Variants in SMIM7 observed in about 807,000 individuals in gnomAD.
The protein encoded by SMIM7 is small integral membrane protein 7.
In SMIM7, 12 loss-of-function variants were observed where a neutral mutation model predicts 13.3. The observed-to-expected ratio is 0.90, with a 90% confidence interval of 0.58 to 1.46. The LOEUF (loss-of-function observed/expected upper bound fraction) is 1.46, where lower values mean the gene tolerates loss of function less well. SMIM7 is among the 40% of genes most tolerant of loss of function. SMIM7 has a pLI of 0.00. For synonymous variants in SMIM7, 36 were observed against 35.8 expected, an observed-to-expected ratio of 1.01 and a Z score of -0.02; for missense variants, 114 against 94.8, an observed-to-expected ratio of 1.20 and a Z score of -0.84.
chr19:16,648,432 T>C (rs1228483272), intron 4 of SMIM7, among the ~76,000 whole-genome samples: 2 of 151,986 alleles, frequency 1.3e-5, no homozygotes, highest in Non-Finnish European at 2.9e-5. Flanking sequence ...TGAGCCACCA[T>C]GCCTGGCCAT....
chr19:16,650,920 A>G (rs1488348956), intron 4 of SMIM7, among the ~76,000 whole-genome samples: 2 of 152,150 alleles, frequency 1.3e-5, no homozygotes, highest in Non-Finnish European at 2.9e-5. Context: ...TACACAGCTG[A>G]AGTTAGGCTG....
chr19:16,654,653 A>G (rs988023757), intron 3 of SMIM7, among the ~76,000 whole-genome samples: 1 of 152,080 alleles, frequency 6.6e-6, no homozygotes, highest in Non-Finnish European at 1.5e-5. Context: ...AAGTGTTGAG[A>G]TTACAGGCAT....
intron 3 of SMIM7, chr19:16,655,517 C>T: frequency 4.7e-6 from 2 of 424,546 alleles, no homozygotes; most frequent in South Asian, 3.3e-5. Flanking sequence ...CACGTCTCTA[C>T]TAAAAATACA....
chr19:16,650,447 C>T (rs930354158), intron 4 of SMIM7, among the ~76,000 whole-genome samples: 2 of 152,156 alleles, frequency 1.3e-5, no homozygotes, highest in East Asian at 1.9e-4. Context: ...CGGTGGCTCA[C>T]GCCTATAATC....
At chr19:16,659,570 G>T in intron 2 of SMIM7, 123 bp from the exon 3 acceptor site, 1 of 979,416 alleles carries the variant, frequency 1.0e-6, no homozygotes, top group Non-Finnish European at 1.6e-6. Flanking sequence ...AACTTGCTGT[G>T]TGACCTCTGA....
chr19:16,647,135 T>C lies in SMIM7; in HGVS notation c.*111A>G. On this transcript the variant is annotated 3_prime_UTR_variant, in exon 5 of 5. Transcript: ENST00000487416. ...TTCCACCCACCACGAGCTTGGACTT[T>C]CTGGGAAGGTTGTCGGTTTTCTGGT... The C allele has an allele frequency of 6.9e-7, 1 of 1,452,740 alleles. No individual in the cohort carries two copies. The highest frequency in any genetic ancestry group is 1.4e-5 in the African/African-American group (1 of 71,922). The allele number at this position is 1,452,740 out of a possible 1,614,324, so 90.0% of individuals were successfully genotyped here.
At chr19:16,658,367 T>C (rs889440703) in intron 3 of SMIM7, among the ~76,000 whole-genome samples, 4 of 152,188 alleles carry the variant, frequency 2.6e-5, no homozygotes, top group Non-Finnish European at 5.9e-5. Flanking sequence ...AATTAATGAA[T>C]GGATACAATA....
Position 16,647,250 on chromosome 19 carries a change from G to A in SMIM7, c.224C>T (p.Ser75Phe), listed in dbSNP as rs1245524889. Residue 75 changes from serine to phenylalanine, a missense_variant, in exon 5 of 5, where the codon TCT becomes TTT. Physicochemically the swap from Ser to Phe is radical, Grantham distance 155 (BLOSUM62 -2). Coordinates refer to ENST00000487416, the MANE Select transcript of SMIM7 (RefSeq NM_024104.4). ...MMFCMIVLFG[S>F] ...TCCTGGTTTCATCGCTGGGATTCAA[G>A]AGCCGAACAGCCTGGAGAAGTCAGA... 6.2e-6 allele frequency: 10 copies of A among 1,613,932 alleles called. No homozygotes were observed. The highest frequency in any genetic ancestry group is 8.5e-6 in the Non-Finnish European group (10 of 1,180,028).
chr19:16,645,038 A>C (rs1034982351), downstream of SMIM7: 1 of 152,188 alleles, frequency 6.6e-6, no homozygotes, highest in Admixed American at 6.5e-5. Context: ...ATTAGTGCTT[A>C]AACACTGTGA....
chr19:16,633,652 G>A (rs1035103924), intron 4 of SMIM7: 1 of 152,094 alleles, frequency 6.6e-6, no homozygotes, highest in Non-Finnish European at 1.5e-5. Context: ...GAACCCAGGA[G>A]TTTGAAGCTG....
intron 3 of SMIM7, 66 bp from the exon 4 acceptor site, chr19:16,654,191 T>A (rs2086566555): frequency 5.1e-6 from 7 of 1,380,548 alleles, no homozygotes; most frequent in Non-Finnish European, 7.2e-6. Flanking sequence ...ACCTCAGCAG[T>A]GGATTTTTGT....
chr19:16,633,542 G>C (rs1423036851), intron 4 of SMIM7, among the ~76,000 whole-genome samples: 2 of 151,496 alleles, frequency 1.3e-5, no homozygotes, highest in African/African-American at 4.9e-5. Context: ...TAAATTAAGT[G>C]TGTGCGTGTG....
chr19:16,646,313 A>G lies in SMIM7; in HGVS notation c.*933T>C, dbSNP rs1362220266. 6.6e-6 allele frequency: 1 copy of G among 152,184 alleles called. No homozygotes were observed. Among genetic ancestry groups the G allele is most frequent in the Non-Finnish European group, 1.5e-5 (1 of 68,038 alleles). The allele number at this position is 152,184 out of a possible 1,614,324, so 9.4% of individuals were successfully genotyped here. The stretch of plus-strand genomic sequence containing the variant: ...AACAAACAAACAAAAAAACCAGACA[A>G]CAAAAAACTCAACAAGCAAATCACA... On this transcript the variant is annotated 3_prime_UTR_variant, in exon 5 of 5. Coordinates refer to ENST00000487416, the MANE Select transcript of SMIM7 (RefSeq NM_024104.4).
rs2086559629 is a variant in SMIM7 at position 16,653,731 on chromosome 19, T to TA, written c.212+303dup. The TA allele has an allele frequency of 1.4e-5, 5 of 364,384 alleles. No homozygotes were observed. In the South Asian group the frequency reaches 2.2e-4, roughly 16 times the overall value. The allele number at this position is 364,384 out of a possible 1,614,324, so 22.6% of individuals were successfully genotyped here. ...TAACACGATGGAACCCCGTCTCTAC[T>TA]AAAAATACAAAAAATCAGCCGTGTG... On this transcript the variant is annotated intron_variant, in intron 4 of 4. Transcript: ENST00000487416.
At chr19:16,643,138 T>G (rs772374101), downstream of SMIM7, among the ~76,000 whole-genome samples, 23 of 151,890 alleles carry the variant, frequency 1.5e-4, no homozygotes, top group Non-Finnish European at 2.8e-4. Context: ...AAAAAAAAAG[T>G]TATTTTAGAA....
At chr19:16,630,933 G>A (rs1357588868) in exon 5 of SMIM7, 1 of 152,232 alleles carries the variant, frequency 6.6e-6, no homozygotes, top group African/African-American at 2.4e-5. Context: ...GATCCTGTCA[G>A]TTATGCGAAG....
rs962567030 is a variant in SMIM7 at position 16,654,102 on chromosome 19, G to C, written c.145C>G (p.Leu49Val). 3 of 1,613,956 alleles carry C rather than the reference G, an allele frequency of 1.9e-6. No homozygotes were observed. In the African/African-American group the frequency reaches 4.0e-5, roughly 22 times the overall value. The change falls in exon 4 of 5, where the codon CTG becomes GTG. Residue 49 changes from leucine to valine, a missense_variant. Transcript: ENST00000487416. ...STGDNIREFL[L>V]SLRYFRIFIA... ...AAGATTCGAAAGTATCTGAGGCTCAGCAAGAATTCCCGGATGTTGTCACCT... is the reference window on the plus strand; with the variant it reads ...AAGATTCGAAAGTATCTGAGGCTCACCAAGAATTCCCGGATGTTGTCACCT...
At chr19:16,647,944 G>C (rs1250689743) in intron 4 of SMIM7, among the ~76,000 whole-genome samples, 1 of 152,108 alleles carries the variant, frequency 6.6e-6, no homozygotes, top group African/African-American at 2.4e-5. Flanking sequence ...TTGGACCCCT[G>C]CTTTATGTCA....
rs1039788103 is a variant in SMIM7 at position 16,653,727 on chromosome 19, C to T, written c.212+308G>A. The T allele has an allele frequency of 1.4e-4, 49 of 360,490 alleles. No individual in the cohort carries two copies. The South Asian group carries it at 2.2e-3, about 16-fold the overall frequency. 22.3% of individuals were successfully genotyped at this position (360,490 alleles called of 1,614,324 possible). On this transcript the variant is annotated intron_variant, in intron 4 of 4. Transcript: ENST00000487416. ...TGGATAACACGATGGAACCCCGTCT[C>T]TACTAAAAATACAAAAAATCAGCCG...
Sources: gnomAD v4.1 joint callset for allele counts (sites outside exome capture counted in the v4.1 genomes callset) on GRCh38, gnomAD v4.1.1 for gene constraint, MANE v1.5 for transcripts, NCBI Gene and HGNC (gene_info 2026-07-23, HGNC 2026-07-21) for gene names.